Variants in PIH1D1 observed in about 807,000 individuals in gnomAD.
PIH1D1 encodes PIH1 domain containing 1.
A neutral mutation model predicts 38.5 loss-of-function variants in PIH1D1; 28 were observed. That is an observed-to-expected ratio of 0.73 (90% CI 0.54 to 1.00). The LOEUF (loss-of-function observed/expected upper bound fraction) is 1.00. Ranked by LOEUF, PIH1D1 falls within the 50% of genes least tolerant of loss-of-function variation. The pLI is 0.00. For synonymous variants in PIH1D1, 155 were observed against 153.5 expected (o/e 1.01, Z -0.07); for missense variants, 343 against 369.9 (o/e 0.93, Z 0.60).
intron 3 of PIH1D1, chr19:49,449,246 G>C (rs777835066): frequency 3.0e-6 from 2 of 675,848 alleles, no homozygotes; most frequent in South Asian, 3.0e-5. Context: ...CAGGCCTCCC[G>C]GCCCTGGAGT....
chr19:49,446,570 G>C lies in PIH1D1; in HGVS notation c.812C>G (p.Ala271Gly). The C allele has an allele frequency of 6.2e-7, 1 of 1,614,046 alleles. No individual in the cohort carries two copies. The highest frequency in any genetic ancestry group is 1.3e-5 in the African/African-American group (1 of 75,008). Reference protein sequence around the residue: ...LQINSHESKAAFHRKRKQLMV... With the variant: ...LQINSHESKAGFHRKRKQLMV... Reference sequence around the variant, plus strand: ...AGGCACCTTTCTCTTCCGGTGGAAGGCTGCCTTGCTCTCATGAGAGTTGAT... The same window carrying C: ...AGGCACCTTTCTCTTCCGGTGGAAGCCTGCCTTGCTCTCATGAGAGTTGAT... Residue 271 changes from alanine (A) to glycine (G), a missense_variant, in exon 8 of 9, where the codon GCC becomes GGC. Physicochemically the swap from Ala to Gly is moderately conservative, Grantham distance 60. Coordinates refer to ENST00000262265, the MANE Select transcript of PIH1D1 (RefSeq NM_017916.3).
intron 7 of PIH1D1, 57 bp downstream of exon 7, chr19:49,446,967 A>G: frequency 7.1e-7 from 1 of 1,411,886 alleles, no homozygotes; most frequent in Non-Finnish European, 1.0e-6. Flanking sequence ...ACTCAGAGAC[A>G]GTCCCTGACC....
chr19:49,447,065 C>A lies in PIH1D1; in HGVS notation c.646G>T (p.Ala216Ser). The A allele has an allele frequency of 6.2e-7, 1 of 1,613,606 alleles. No homozygotes were observed. The highest frequency in any genetic ancestry group is 8.5e-7 in the Non-Finnish European group (1 of 1,179,850). Residue 216 changes from alanine (A) to serine (S), a missense_variant, in exon 7 of 9, where the codon GCC becomes TCC. Ala to Ser is a moderately conservative substitution (Grantham distance 99). Coordinates refer to ENST00000262265, the MANE Select transcript of PIH1D1 (RefSeq NM_017916.3). The part of the protein sequence containing the change: ...EKPHLNLWLE[A>S]PDLLLAEVDL... ...ACTTCGGCCAAGAGGAGGTCGGGGGCTTCCAGCCACAGGTTCAGGTGAGGC... is the reference window on the plus strand; with the variant it reads ...ACTTCGGCCAAGAGGAGGTCGGGGGATTCCAGCCACAGGTTCAGGTGAGGC...
rs1251494483 is a variant in PIH1D1 at position 49,451,648 on chromosome 19, T to C, written c.-74A>G. ...ACTTTGCCCAGGATCCGAACCCCAG[T>C]GCCTGCTCTGGCCCTCAATCGACTC... On this transcript the variant is annotated 5_prime_UTR_variant, in exon 1 of 9. Coordinates refer to ENST00000262265, the MANE Select transcript of PIH1D1 (RefSeq NM_017916.3). 6.3e-7 allele frequency: 1 copy of C among 1,582,228 alleles called. No homozygotes were observed. Among genetic ancestry groups the C allele is most frequent in the South Asian group, 1.1e-5 (1 of 88,790 alleles).
At chr19:49,448,298 T>C in intron 3 of PIH1D1, 1 of 553,968 alleles carries the variant, frequency 1.8e-6, no homozygotes, top group Non-Finnish European at 3.2e-6. Flanking sequence ...ATCCCTTCCC[T>C]GCTCACAGCT....
In PIH1D1 at chr19:49,451,757, G is replaced by A. The variant is rs2079062651; in HGVS notation, c.-183C>T. On this transcript the variant is annotated 5_prime_UTR_variant, in exon 1 of 9. In the 5' UTR this introduces an upstream ATG that the reference lacks. Coordinates refer to ENST00000262265, the MANE Select transcript of PIH1D1 (RefSeq NM_017916.3). ...AAGACCGAACACCATCGTCAAATCC[G>A]TGGGGAATATGTGTCTCTAGACGCA... is the stretch of plus-strand genomic sequence containing the variant. 12 of 1,419,706 alleles carry A rather than the reference G, an allele frequency of 8.5e-6. No individual in the cohort carries two copies. The South Asian group carries it at 9.1e-5, about 11-fold the overall frequency. The allele number at this position is 1,419,706 out of a possible 1,614,324, so 87.9% of individuals were successfully genotyped here.
intron 5 of PIH1D1, 49 bp downstream of exon 5, chr19:49,447,778 A>G: frequency 6.3e-7 from 1 of 1,581,124 alleles, no homozygotes; most frequent in East Asian, 2.2e-5. Flanking sequence ...TGTTCCCCAA[A>G]CCGCTCCTGG....
In PIH1D1 at chr19:49,450,687, C is replaced by A. The variant is rs2079052836; in HGVS notation, c.157+95G>T. Reference sequence around the variant, plus strand: ...TGTGGGTGTCTGCTCACCCCACCCCCACCCTAGGCCTTTATTTTCGTGTCT... The same window carrying A: ...TGTGGGTGTCTGCTCACCCCACCCCAACCCTAGGCCTTTATTTTCGTGTCT... On this transcript the variant is annotated intron_variant, in intron 2 of 8. Coordinates refer to ENST00000262265, the MANE Select transcript of PIH1D1 (RefSeq NM_017916.3). The A allele has an allele frequency of 4.1e-6, 2 of 491,304 alleles. 1 individual carries two copies. Among genetic ancestry groups the A allele is most frequent in the East Asian group, 9.7e-5 (2 of 20,588 alleles). 30.4% of individuals were successfully genotyped at this position (491,304 alleles called of 1,614,324 possible). A position where few individuals can be genotyped will look rare whatever the true frequency, so the allele number is the denominator to read the frequency against.
At position 49,449,109 on chromosome 19, in the gene PIH1D1, C is replaced by G. The variant is rs957529149; in HGVS notation, c.337+366G>C. On this transcript the variant is annotated intron_variant, in intron 3 of 8. Coordinates refer to ENST00000262265, the MANE Select transcript of PIH1D1 (RefSeq NM_017916.3). The stretch of plus-strand genomic sequence containing the variant: ...TGGGAGCCTGAGACAGGAGAATCGT[C>G]TGAACCTGGGCAACAAGAGCGAAAC... 4 of 363,106 alleles carry G rather than the reference C, an allele frequency of 1.1e-5. No homozygotes were observed. The Admixed American group carries it at 1.5e-4, about 14-fold the overall frequency. 22.5% of individuals were successfully genotyped at this position (363,106 alleles called of 1,614,324 possible).
At chr19:49,449,721 C>T (rs1395187026) in intron 2 of PIH1D1, 67 bp from the exon 3 acceptor site, 2 of 1,344,270 alleles carry the variant, frequency 1.5e-6, no homozygotes, top group Admixed American at 4.1e-5. Flanking sequence ...CCATTGTCTC[C>T]AGGCTCTGTC....
chr19:49,449,599 G>A lies in PIH1D1; in HGVS notation c.213C>T (p.His71=). 1 of 1,614,174 alleles carries A rather than the reference G, an allele frequency of 6.2e-7. No individual in the cohort carries two copies. The highest frequency in any genetic ancestry group is 1.7e-5 in the Admixed American group (1 of 60,018). ...CGGCGGGAGGAGGGATAGAGGGGGA[G>A]TGGCAGATGTTGATGAAAACCTTCC... The part of the protein sequence containing the change: ...SEGKVFINIC[H]SPSIPPPADV... The change falls in exon 3 of 9, where the codon CAC becomes CAT. Residue 71 remains histidine (H), a synonymous_variant. Transcript: ENST00000262265.
chr19:49,446,663 C>A lies in PIH1D1; in HGVS notation c.719G>T (p.Gly240Val). The A allele has an allele frequency of 2.5e-6, 4 of 1,588,174 alleles. No homozygotes were observed. The highest frequency in any genetic ancestry group is 3.4e-6 in the Non-Finnish European group (4 of 1,167,150). The part of the protein sequence containing the change: ...DGALGLSLEI[G>V]ENRLVMGGPQ... ...GCCCCCCATCACCAGGCGGTTCTCC[C>A]CGATCTCCAGCGACAGCCCCAGGGC... Residue 240 changes from glycine to valine, a missense_variant, in exon 8 of 9, where the codon GGG becomes GTG. Physicochemically the swap from Gly to Val is moderately radical, Grantham distance 109. Transcript: ENST00000262265.
At chr19:49,450,577 C>A (rs569213493) in intron 2 of PIH1D1, among the ~76,000 whole-genome samples, 7 of 152,192 alleles carry the variant, frequency 4.6e-5, no homozygotes, top group Admixed American at 4.6e-4. Flanking sequence ...TGCCACCGCA[C>A]CTGGCCTCTT....
chr19:49,447,070 A>G lies in PIH1D1; in HGVS notation c.641T>C (p.Leu214Pro). Residue 214 changes from leucine to proline, a missense_variant, in exon 7 of 9, where the codon CTG becomes CCG. Coordinates refer to ENST00000262265, the MANE Select transcript of PIH1D1 (RefSeq NM_017916.3). ...GPEKPHLNLWLEAPDLLLAEV... is the reference protein window; with the variant it reads ...GPEKPHLNLWPEAPDLLLAEV... ...GGCCAAGAGGAGGTCGGGGGCTTCC[A>G]GCCACAGGTTCAGGTGAGGCTTTTC... The G allele has an allele frequency of 1.2e-6, 2 of 1,613,586 alleles. No homozygotes were observed. Among genetic ancestry groups the G allele is most frequent in the Non-Finnish European group, 1.7e-6 (2 of 1,179,830 alleles).
Position 49,449,570 on chromosome 19 carries a change from A to G in PIH1D1, c.242T>C (p.Val81Ala). ...CATCTGAAGCAGCTCCTCCTCGGTC[A>G]CGTCGGCGGGAGGAGGGATAGAGGG... ...HSPSIPPPAD[V>A]TEEELLQMLE... Residue 81 changes from valine (V) to alanine (A), a missense_variant, in exon 3 of 9, where the codon GTG becomes GCG. Coordinates refer to ENST00000262265, the MANE Select transcript of PIH1D1 (RefSeq NM_017916.3). 6.2e-7 allele frequency: 1 copy of G among 1,614,150 alleles called. No individual in the cohort carries two copies. Among genetic ancestry groups the G allele is most frequent in the Non-Finnish European group, 8.5e-7 (1 of 1,180,000 alleles).
At position 49,449,255 on chromosome 19, in the gene PIH1D1, G is replaced by C. The variant is rs1261409367; in HGVS notation, c.337+220C>G. 1.8e-5 allele frequency: 12 copies of C among 681,252 alleles called. No individual in the cohort carries two copies. The South Asian group carries it at 1.8e-4, about 10-fold the overall frequency. 42.2% of individuals were successfully genotyped at this position (681,252 alleles called of 1,614,324 possible). On this transcript the variant is annotated intron_variant, in intron 3 of 8. Transcript: ENST00000262265. ...TCTGCCCAGGCCTCCCGGCCCTGGA[G>C]TGGGGCATGGAAAAGTGCCAGCCTG...
At chr19:49,447,194 A>G in intron 6 of PIH1D1, 95 bp from the exon 7 acceptor site, 2 of 1,473,518 alleles carry the variant, frequency 1.4e-6, no homozygotes, top group Non-Finnish European at 1.9e-6. Flanking sequence ...TATTGGCCTC[A>G]GGACGCCTTC....
rs1219965261 is a variant in PIH1D1, at chr19:49,446,479, GC to G, written c.832-57del. ...CCAGGACCCAGAAGTCCAGCTCCCA[GC>G]CCCCCTCCCTGGGAGACAGAGTCCA... On this transcript the variant is annotated intron_variant, in intron 8 of 8. Coordinates refer to ENST00000262265, the MANE Select transcript of PIH1D1 (RefSeq NM_017916.3). The G allele has an allele frequency of 1.1e-5, 16 of 1,510,306 alleles. No homozygotes were observed. The South Asian group carries it at 1.8e-4, about 17-fold the overall frequency. The allele number at this position is 1,510,306 out of a possible 1,614,324, so 93.6% of individuals were successfully genotyped here. A position where few individuals can be genotyped will look rare whatever the true frequency, so the allele number is the denominator to read the frequency against.
chr19:49,448,010 C>G lies in PIH1D1; in HGVS notation c.390G>C (p.Arg130=). The G allele has an allele frequency of 3.1e-6, 5 of 1,614,246 alleles. No homozygotes were observed. The highest frequency in any genetic ancestry group is 4.2e-6 in the Non-Finnish European group (5 of 1,180,034). Residue 130 remains arginine (R), a synonymous_variant, in exon 4 of 9, where the codon CGG becomes CGC. Transcript: ENST00000262265. ...YDVAVNSDFY[R]RMQNSDFLRE... ...CAGCCCCGCCCCCAACCTGCATCCT[C>G]CGGTAGAAGTCGCTGTTGACAGCTA...
Sources: allele counts gnomAD v4.1 joint callset (sites outside exome capture counted in the v4.1 genomes callset), GRCh38; gene constraint gnomAD v4.1.1; transcripts MANE v1.5; gene names NCBI Gene and HGNC (gene_info 2026-07-23, HGNC 2026-07-21).